Variants in CSRNP2 observed in about 807,000 individuals in gnomAD.
CSRNP2 encodes cysteine and serine rich nuclear protein 2.
CSRNP2 carries 11 observed loss-of-function variants against 36.6 expected under a neutral mutation model. The ratio of observed to expected loss-of-function variants is 0.30; its 90% confidence interval spans 0.19 to 0.50. CSRNP2 has a LOEUF of 0.50. Among genes scored for constraint, CSRNP2 ranks in the 20% least tolerant of loss-of-function variants. The probability of loss-of-function intolerance (pLI) is 0.98; values close to 1 mark genes in which losing one functional copy is unlikely to be tolerated. For synonymous variants in CSRNP2, 248 were observed against 275.3 expected, an observed-to-expected ratio of 0.90 and a Z score of 0.98; for missense variants, 483 against 691.4, an observed-to-expected ratio of 0.70 and a Z score of 3.38.
At chr12:51,073,226 AACATACAT>A (rs112779685) in intron 3 of CSRNP2, among the ~76,000 whole-genome samples, 21,374 of 150,790 alleles carry the variant, frequency 0.14, 1,987 homozygotes, top group East Asian at 0.5. Flanking sequence ...CTCAAAAGAA[AACATACAT>A]ACATACATAC....
chr12:51,069,006 C>T (rs1431346628), intron 3 of CSRNP2, among the ~76,000 whole-genome samples: 2 of 152,112 alleles, frequency 1.3e-5, no homozygotes, highest in African/African-American at 2.4e-5. Flanking sequence ...GACGGAGTCT[C>T]GCTCTGTCGC....
intron 3 of CSRNP2, 45 bp downstream of exon 3, chr12:51,073,778 T>G: frequency 6.4e-7 from 1 of 1,558,740 alleles, no homozygotes; most frequent in South Asian, 1.2e-5. Context: ...TGAACCTAAA[T>G]GGTTTCCTAC....
chr12:51,073,756 C>T (rs1592764426), intron 3 of CSRNP2, 67 bp downstream of exon 3: 2 of 1,470,676 alleles, frequency 1.4e-6, no homozygotes, highest in Non-Finnish European at 1.8e-6. Context: ...AATCAATCAA[C>T]CAACCAACCA....
At chr12:51,079,381 C>T (rs972696372) in intron 1 of CSRNP2, among the ~76,000 whole-genome samples, 1 of 151,470 alleles carries the variant, frequency 6.6e-6, no homozygotes, top group Non-Finnish European at 1.5e-5. Flanking sequence ...AGATACCGAT[C>T]GACAAACAAA....
At chr12:51,079,585 A>G (rs1327948319) in intron 1 of CSRNP2, among the ~76,000 whole-genome samples, 1 of 140,178 alleles carries the variant, frequency 7.1e-6, no homozygotes, top group Non-Finnish European at 1.6e-5. Context: ...AACATGGAGA[A>G]ACCCCATCTC....
chr12:51,077,044 CAAAAA>C (rs34490094), intron 1 of CSRNP2, among the ~76,000 whole-genome samples: 154 of 126,728 alleles, frequency 1.2e-3, no homozygotes, highest in East Asian at 4.1e-3. Flanking sequence ...GTTTGGTTGG[CAAAAA>C]AAAAAAAAAA....
intron 2 of CSRNP2, 37 bp downstream of exon 2, chr12:51,076,374 A>C (rs1939400555): frequency 6.2e-7 from 1 of 1,604,716 alleles, no homozygotes; most frequent in Non-Finnish European, 8.5e-7. Flanking sequence ...CTGCTTGGGG[A>C]ATGTGGGTAT....
chr12:51,079,225 G>A (rs1029826654), intron 1 of CSRNP2, among the ~76,000 whole-genome samples: 1 of 152,050 alleles, frequency 6.6e-6, no homozygotes, highest in Non-Finnish European at 1.5e-5. Context: ...GCCTGTCGTG[G>A]GGTGGGGGAA....
chr12:51,076,516 C>T lies in CSRNP2; in HGVS notation c.46G>A (p.Val16Met), dbSNP rs1566185417. The change falls in exon 2 of 5, where the codon GTG (valine) becomes ATG (methionine). Residue 16 changes from valine (V) to methionine (M), a missense_variant. Around this residue, in one of 2 missense-constraint regions of CSRNP2, gnomAD observed 206 missense variants for 367.8 expected, o/e 0.56. Coordinates refer to ENST00000228515, the MANE Select transcript of CSRNP2 (RefSeq NM_030809.3). ...GSGLKRKFDD[V>M]DVGSSVSNSD... ...TTGGAAACTGATGAGCCCACATCCACATCATCAAACTTCCTCTTGAGACCC... is the reference window on the plus strand; with the variant it reads ...TTGGAAACTGATGAGCCCACATCCATATCATCAAACTTCCTCTTGAGACCC... 1 of 1,614,106 alleles carries T rather than the reference C, an allele frequency of 6.2e-7. No homozygotes were observed. Among genetic ancestry groups the T allele is most frequent in the Non-Finnish European group, 8.5e-7 (1 of 1,180,028 alleles).
chr12:51,068,644 A>G (rs1938667359), intron 3 of CSRNP2, among the ~76,000 whole-genome samples: 1 of 152,246 alleles, frequency 6.6e-6, no homozygotes, highest in Admixed American at 6.5e-5. Context: ...ATTTCCAGAC[A>G]TGTATCCCCT....
chr12:51,073,523 G>A (rs1184650965), intron 3 of CSRNP2, among the ~76,000 whole-genome samples: 2 of 151,688 alleles, frequency 1.3e-5, no homozygotes, highest in Non-Finnish European at 2.9e-5. Flanking sequence ...CTTGAGACCA[G>A]GAGTTCGAGA....
chr12:51,072,782 G>A (rs1404106677), intron 3 of CSRNP2, among the ~76,000 whole-genome samples: 1 of 152,156 alleles, frequency 6.6e-6, no homozygotes, highest in Non-Finnish European at 1.5e-5. Context: ...GATCCTTTCA[G>A]AGACTGTGAA....
rs565581261 is a variant in CSRNP2 at position 51,064,397 on chromosome 12, C to G, written c.981G>C (p.Leu327=). The G allele has an allele frequency of 2.0e-5, 32 of 1,614,100 alleles. No homozygotes were observed. The East Asian group carries it at 3.6e-4, about 18-fold the overall frequency. Residue 327 remains leucine (L), a synonymous_variant, in exon 5 of 5, where the codon CTG becomes CTC. Coordinates refer to ENST00000228515, the MANE Select transcript of CSRNP2 (RefSeq NM_030809.3). The part of the protein sequence containing the change: ...IAENETAVMH[L]QSAEELERLK... ...GCCGCTCCAGTTCCTCTGCACTCTG[C>G]AGGTGCATCACTGCTGTCTCATTCT... is the stretch of plus-strand genomic sequence containing the variant.
chr12:51,074,143 A>G (rs1939296322), intron 2 of CSRNP2, 61 bp from the exon 3 acceptor site: 1 of 1,525,184 alleles, frequency 6.6e-7, no homozygotes, highest in Non-Finnish European at 8.8e-7. Context: ...TTAGAGATGG[A>G]GTCTCGCTCT....
Position 51,067,208 on chromosome 12 carries a change from A to C in CSRNP2, c.708+465T>G, listed in dbSNP as rs185908362. On this transcript the variant is annotated intron_variant, in intron 4 of 4. Coordinates refer to ENST00000228515, the MANE Select transcript of CSRNP2 (RefSeq NM_030809.3). The surrounding 1 kb of genome is among the most constrained non-coding windows in gnomAD (Gnocchi z 4.1). ...TACTGTTTAGGAATCAGTATTTAGG[A>C]AACATTTACTAAATGTTAAATGTAC... is the stretch of plus-strand genomic sequence containing the variant. Among the ~76,000 whole-genome samples the C allele has an allele frequency of 7.2e-3, 1,103 of 152,224 alleles. 4 individuals carry two copies. Among genetic ancestry groups the C allele is most frequent in the South Asian group, 0.017 (80 of 4,826 alleles).
At chr12:51,077,359 A>C (rs1383255282) in intron 1 of CSRNP2, among the ~76,000 whole-genome samples, 1 of 152,226 alleles carries the variant, frequency 6.6e-6, no homozygotes, top group Non-Finnish European at 1.5e-5. Context: ...AAGGGTTTTA[A>C]AAATTGCCTA....
chr12:51,061,741 T>C lies in CSRNP2; in HGVS notation c.*2005A>G, dbSNP rs569581719. 8.5e-5 allele frequency: 13 copies of C among 152,348 alleles called. No homozygotes were observed. The highest frequency in any genetic ancestry group is 3.1e-4 in the African/African-American group (13 of 41,590). 9.4% of individuals were successfully genotyped at this position (152,348 alleles called of 1,614,324 possible). On this transcript the variant is annotated 3_prime_UTR_variant, in exon 5 of 5. Transcript: ENST00000228515. Reference sequence around the variant, plus strand: ...TTCCTGGTTTGATCCCAAAAGCTAATGTGTTCCTCATCGTGCAGCTGGAAT... The same window carrying C: ...TTCCTGGTTTGATCCCAAAAGCTAACGTGTTCCTCATCGTGCAGCTGGAAT...
In CSRNP2 at chr12:51,067,981, C is replaced by T; in HGVS notation, c.412-12G>A. The T allele has an allele frequency of 6.2e-7, 1 of 1,610,772 alleles. No homozygotes were observed. Among genetic ancestry groups the T allele is most frequent in the Non-Finnish European group, 8.5e-7 (1 of 1,177,626 alleles). ...CCATTCTTGGTCAGCTGCCAAGAGA[C>T]AGGAAAGGTTAGCCTCATAGACATG... On this transcript the variant is annotated splice_polypyrimidine_tract_variant and intron_variant, in intron 3 of 4. Coordinates refer to ENST00000228515, the MANE Select transcript of CSRNP2 (RefSeq NM_030809.3). This position sits in a 1 kb window ranked among gnomAD's most constrained non-coding sequence, Gnocchi z 4.1.
chr12:51,064,562 G>A lies in CSRNP2; in HGVS notation c.816C>T (p.Thr272=). 1 of 1,612,892 alleles carries A rather than the reference G, an allele frequency of 6.2e-7. No homozygotes were observed. The highest frequency in any genetic ancestry group is 1.3e-5 in the African/African-American group (1 of 75,032). Residue 272 remains threonine, a synonymous_variant, in exon 5 of 5, where the codon ACC becomes ACT. Coordinates refer to ENST00000228515, the MANE Select transcript of CSRNP2 (RefSeq NM_030809.3). ...TGCTCTCCAGCTCCAGCTTCATAAT[G>A]GTGTGGAGGTAATGAGTCCGGACCC... ...PIRVRTHYLH[T]IMKLELESKR...
Sources: allele counts gnomAD v4.1 joint callset (sites outside exome capture counted in the v4.1 genomes callset), GRCh38; gene constraint gnomAD v4.1.1; regional missense constraint gnomAD v4.1.1; non-coding constraint Gnocchi (gnomAD v3.1); transcripts MANE v1.5; gene names NCBI Gene and HGNC (gene_info 2026-07-23, HGNC 2026-07-21).